The following NBEAL1 variants were observed in gnomAD, a reference collection of about 807,000 sequenced individuals.
The protein encoded by NBEAL1 is neurobeachin-like protein 1.
In NBEAL1, 273 loss-of-function variants were observed where a neutral mutation model predicts 351.3. That is an observed-to-expected ratio of 0.78 (90% CI 0.70 to 0.86). The LOEUF is 0.86. Ranked by LOEUF, NBEAL1 falls within the 40% of genes least tolerant of loss-of-function variation. The pLI, the probability that NBEAL1 is intolerant of heterozygous loss-of-function variation, is 0.00. For synonymous variants in NBEAL1, 1,050 were observed against 1,086.4 expected, an observed-to-expected ratio of 0.97 and a Z score of 0.66; for missense variants, 2,961 against 3,201.3, an observed-to-expected ratio of 0.92 and a Z score of 1.81.
rs2062472971 is a variant in NBEAL1, at chr2:203,107,961, T to C, written c.1722T>C (p.Pro574=). Residue 574 remains proline, a synonymous_variant, in exon 14 of 56, where the codon CCT becomes CCC. Transcript: ENST00000683969. The part of the protein sequence containing the change: ...LRVDESESVH[P]YVTPVTRAIL... ...TGGATGAATCTGAGTCTGTTCACCC[T>C]TATGTCACTCCCGTGACTCGAGCAA... The C allele has an allele frequency of 6.4e-7, 1 of 1,554,372 alleles. No homozygotes were observed. The highest frequency in any genetic ancestry group is 1.4e-5 in the African/African-American group (1 of 73,474).
chr2:203,145,571 A>G (rs1342401948), intron 33 of NBEAL1, among the ~76,000 whole-genome samples: 1 of 152,064 alleles, frequency 6.6e-6, no homozygotes, highest in Non-Finnish European at 1.5e-5. Flanking sequence ...GCCGAGGTGG[A>G]TGGATCACCT....
intron 2 of NBEAL1, among the ~76,000 whole-genome samples, chr2:203,034,484 G>A (rs1164332901): frequency 5.1e-5 from 7 of 136,062 alleles, no homozygotes; most frequent in African/African-American, 1.9e-4. Flanking sequence ...TTGAGATGGA[G>A]TTTCACTCTT....
At chr2:203,078,353 T>G (rs2061814790) in intron 8 of NBEAL1, among the ~76,000 whole-genome samples, 1 of 152,216 alleles carries the variant, frequency 6.6e-6, no homozygotes, top group Non-Finnish European at 1.5e-5. Flanking sequence ...CTGTTTTTGT[T>G]TTTTGAAATG....
chr2:203,183,056 C>A, intron 43 of NBEAL1: 1 of 304,854 alleles, frequency 3.3e-6, no homozygotes, highest in Non-Finnish European at 6.0e-6. Context: ...GTTTCCCCCA[C>A]TTTTTTTGCT....
intron 35 of NBEAL1, among the ~76,000 whole-genome samples, chr2:203,152,408 GT>G (rs1193742266): frequency 6.8e-6 from 1 of 147,068 alleles, no homozygotes; most frequent in Admixed American, 6.7e-5. Flanking sequence ...GGCCAACATA[GT>G]GAAACCCCGT....
At chr2:203,069,837 T>G (rs1420120780) in intron 7 of NBEAL1, among the ~76,000 whole-genome samples, 2 of 152,108 alleles carry the variant, frequency 1.3e-5, no homozygotes, top group African/African-American at 4.8e-5. Context: ...TAAAAAAATT[T>G]TTTATGGAGA....
At chr2:203,073,198 C>T (rs1048469824) in intron 7 of NBEAL1, among the ~76,000 whole-genome samples, 1 of 152,072 alleles carries the variant, frequency 6.6e-6, no homozygotes, top group Non-Finnish European at 1.5e-5. Context: ...GTGTTATGCC[C>T]AGTGTGAAAA....
chr2:203,036,173 C>G (rs1203365420), intron 2 of NBEAL1, among the ~76,000 whole-genome samples: 1 of 149,328 alleles, frequency 6.7e-6, no homozygotes, highest in Non-Finnish European at 1.5e-5. Context: ...TTCAATAAAG[C>G]AAACTCATCT....
intron 34 of NBEAL1, 42 bp from the exon 35 acceptor site, chr2:203,151,421 CTT>C: frequency 7.1e-7 from 1 of 1,412,232 alleles, no homozygotes; most frequent in Non-Finnish European, 9.7e-7. Flanking sequence ...ATCTTTGTAA[CTT>C]AAGCTAAATA....
intron 36 of NBEAL1, 71 bp from the exon 37 acceptor site, chr2:203,166,078 G>A (rs2064120907): frequency 7.6e-7 from 1 of 1,320,272 alleles, no homozygotes; most frequent in Admixed American, 2.8e-5. Context: ...ATATTTAAAT[G>A]TGGCATTCTT....
chr2:203,087,336 C>G (rs139333388), intron 10 of NBEAL1, among the ~76,000 whole-genome samples: 14,058 of 152,148 alleles, frequency 0.092, 765 homozygotes, highest in Non-Finnish European at 0.13. Context: ...CGTGATTCAC[C>G]TGCCTCGGCC....
At chr2:203,097,661 A>G in intron 11 of NBEAL1, 28 bp downstream of exon 11, 1 of 937,140 alleles carries the variant, frequency 1.1e-6, no homozygotes, top group Non-Finnish European at 1.3e-6. Flanking sequence ...ATCTTGTTTC[A>G]GCTGAAGTCC....
chr2:203,135,931 T>A lies in NBEAL1; in HGVS notation c.4068T>A (p.Asp1356Glu). 1 of 1,614,166 alleles carries A rather than the reference T, an allele frequency of 6.2e-7. No homozygotes were observed. The highest frequency in any genetic ancestry group is 8.5e-7 in the Non-Finnish European group (1 of 1,180,010). Reference sequence around the variant, plus strand: ...TTGCCTCAGCTAATGTGTCTTCGGATCAGTGGAGTTTGGAGGATAGACACT... The same window carrying A: ...TTGCCTCAGCTAATGTGTCTTCGGAACAGTGGAGTTTGGAGGATAGACACT... ...TSFASANVSS[D>E]QWSLEDRHSL... The change falls in exon 28 of 56, where the codon GAT becomes GAA. Residue 1356 changes from aspartate (D) to glutamate (E), a missense_variant. Transcript: ENST00000683969.
intron 12 of NBEAL1, among the ~76,000 whole-genome samples, chr2:203,100,354 G>T (rs531392696): frequency 9.9e-5 from 15 of 152,128 alleles, no homozygotes; most frequent in Non-Finnish European, 2.2e-4. Context: ...GAGCTAATTT[G>T]CATCCCACCA....
At position 203,097,627 on chromosome 2, in the gene NBEAL1, G is replaced by A. The variant is rs920188629; in HGVS notation, c.1179G>A (p.Glu393=). The change falls in exon 11 of 56, where the codon GAG becomes GAA. Residue 393 remains glutamate, a synonymous_variant. Transcript: ENST00000683969. ...ACAAATTACTGACAGAAATGAATGA[G>A]GACCAGGTATCTACAAAGCCTGCAT... is the stretch of plus-strand genomic sequence containing the variant. The part of the protein sequence containing the change: ...LANKLLTEMN[E]DQVFQGQLDC... The A allele has an allele frequency of 1.0e-6, 1 of 984,788 alleles. No individual in the cohort carries two copies. Among genetic ancestry groups the A allele is most frequent in the Non-Finnish European group, 1.2e-6 (1 of 828,980 alleles). 61.0% of individuals were successfully genotyped at this position (984,788 alleles called of 1,614,324 possible).
chr2:203,067,788 C>T (rs143920209), intron 6 of NBEAL1, among the ~76,000 whole-genome samples: 1,524 of 152,290 alleles, frequency 0.01, 5 homozygotes, highest in Non-Finnish European at 0.014. Context: ...CCACTATGCC[C>T]ATCTAAGAGA....
chr2:203,113,817 CTCTCT>C (rs1234018584), intron 17 of NBEAL1, among the ~76,000 whole-genome samples: 3 of 120,218 alleles, frequency 2.5e-5, no homozygotes, highest in Non-Finnish European at 3.3e-5. Flanking sequence ...TCTCCTGTGT[CTCTCT>C]TTTTTTTTTT....
chr2:203,198,352 A>C (rs1326638546), intron 48 of NBEAL1, among the ~76,000 whole-genome samples: 1 of 151,826 alleles, frequency 6.6e-6, no homozygotes. Context: ...AAGAAGATAA[A>C]AGCTTTTCAT....
At chr2:203,188,387 T>A (rs2064972752) in intron 44 of NBEAL1, 85 bp from the exon 45 acceptor site, 1 of 672,748 alleles carries the variant, frequency 1.5e-6, no homozygotes, top group Non-Finnish European at 2.3e-6. Flanking sequence ...AATGTTTCAT[T>A]TGTCCTTACT....
Sources: gnomAD v4.1 joint callset for allele counts (sites outside exome capture counted in the v4.1 genomes callset) on GRCh38, gnomAD v4.1.1 for gene constraint, MANE v1.5 for transcripts, NCBI Gene and HGNC (gene_info 2026-07-23, HGNC 2026-07-21) for gene names.